The following FUBP3 variants were observed in gnomAD, a reference collection of about 807,000 sequenced individuals.
The protein encoded by FUBP3 is far upstream element binding protein 3.
A neutral mutation model predicts 85.6 loss-of-function variants in FUBP3; 28 were observed. The observed-to-expected ratio is 0.33, with a 90% confidence interval of 0.24 to 0.45. The LOEUF is 0.45. Among genes scored for constraint, FUBP3 ranks in the 20% least tolerant of loss-of-function variants. The probability of loss-of-function intolerance (pLI) is 1.00; values close to 1 mark genes in which losing one functional copy is unlikely to be tolerated. For missense variants in FUBP3, 583 were observed against 755.1 expected (o/e 0.77, Z 2.67); for synonymous variants, 271 against 271.4 (o/e 1.00, Z 0.01).
rs1453240338 is a variant in FUBP3 at position 130,638,156 on chromosome 9, T to C, written c.*1134T>C. On this transcript the variant is annotated 3_prime_UTR_variant, in exon 19 of 19. Transcript: ENST00000319725. The stretch of plus-strand genomic sequence containing the variant: ...GACCTGAGGGACATTCCGTTTGAAA[T>C]GTACTGAAGTTACAGTTTCTGGTTT... 2 of 152,610 alleles carry C rather than the reference T, an allele frequency of 1.3e-5. No individual in the cohort carries two copies. Among genetic ancestry groups the C allele is most frequent in the East Asian group, 3.8e-4 (2 of 5,204 alleles). 9.5% of individuals were successfully genotyped at this position (152,610 alleles called of 1,614,324 possible).
In FUBP3 at chr9:130,631,015, C is replaced by T. The variant is rs184207179; in HGVS notation, c.1278+227C>T. The T allele has an allele frequency of 3.1e-4, 200 of 638,958 alleles. 1 individual carries two copies. The highest frequency in any genetic ancestry group is 1.1e-4 in the Non-Finnish European group (51 of 448,262). The allele number at this position is 638,958 out of a possible 1,614,324, so 39.6% of individuals were successfully genotyped here. On this transcript the variant is annotated intron_variant, in intron 13 of 18. Transcript: ENST00000319725. ...GAAGCCTGGCAGGACTCACCAAGGCCGCAGCAGCCGAGGCCCCAGAGCCGT... is the reference window on the plus strand; with the variant it reads ...GAAGCCTGGCAGGACTCACCAAGGCTGCAGCAGCCGAGGCCCCAGAGCCGT...
intron 18 of FUBP3, chr9:130,636,350 C>A: frequency 3.1e-6 from 2 of 645,482 alleles, no homozygotes; most frequent in East Asian, 2.8e-5. Flanking sequence ...GGATTGGGGG[C>A]GCAGCCCCTA....
chr9:130,624,540 G>A (rs138466015), intron 11 of FUBP3, among the ~76,000 whole-genome samples: 115 of 152,106 alleles, frequency 7.6e-4, no homozygotes, highest in African/African-American at 2.7e-3. Context: ...TGGGCTGCAC[G>A]CAGCCCAGGA....
chr9:130,622,650 C>A, intron 9 of FUBP3, 58 bp from the exon 10 acceptor site: 1 of 799,096 alleles, frequency 1.3e-6, no homozygotes, highest in South Asian at 1.8e-5. Flanking sequence ...AAAAAAGTGC[C>A]CTTTAAAAAG....
intron 1 of FUBP3, chr9:130,581,675 G>A (rs1191730742): frequency 1.3e-5 from 2 of 152,178 alleles, no homozygotes; most frequent in Non-Finnish European, 2.9e-5. Flanking sequence ...TACACAGCAT[G>A]TTACAGAGAT....
chr9:130,613,714 T>G (rs540350931), intron 5 of FUBP3, among the ~76,000 whole-genome samples: 1 of 152,176 alleles, frequency 6.6e-6, no homozygotes, highest in East Asian at 1.9e-4. Context: ...TTCTCTTTCA[T>G]TTTTTTTGAG....
At chr9:130,588,991 G>C (rs1247422293) in intron 1 of FUBP3, among the ~76,000 whole-genome samples, 1 of 152,150 alleles carries the variant, frequency 6.6e-6, no homozygotes, top group Non-Finnish European at 1.5e-5. Context: ...CTCGATGCTG[G>C]TGTGAGCCTT....
At chr9:130,636,341 G>T (rs1373456409) in intron 18 of FUBP3, 2 of 659,514 alleles carry the variant, frequency 3.0e-6, no homozygotes, top group Non-Finnish European at 5.4e-6. Context: ...CAAGTGGGAG[G>T]ATTGGGGGCG....
intron 1 of FUBP3, among the ~76,000 whole-genome samples, chr9:130,593,716 C>G (rs1423306540): frequency 6.6e-6 from 1 of 152,232 alleles, no homozygotes; most frequent in African/African-American, 2.4e-5. Flanking sequence ...CCACTGAAGA[C>G]TTTGCTCTGG....
intron 6 of FUBP3, among the ~76,000 whole-genome samples, chr9:130,614,752 A>G (rs1831916289): frequency 6.6e-6 from 1 of 152,092 alleles, no homozygotes; most frequent in Non-Finnish European, 1.5e-5. Flanking sequence ...TGATCCCGTT[A>G]CCCTTCTGAT....
Position 130,635,436 on chromosome 9 carries a change from G to A in FUBP3, c.1583-563G>A, listed in dbSNP as rs1178356264. Among the ~76,000 whole-genome samples the A allele has an allele frequency of 6.6e-6, 1 of 152,146 alleles. No individual in the cohort carries two copies. The highest frequency in any genetic ancestry group is 2.4e-5 in the African/African-American group (1 of 41,436). Reference sequence around the variant, plus strand: ...TGTTTCTTGCTGGTTGGAAGAGATCGGGTTGAAGGCTACCAGAGAAGTGGT... The same window carrying A: ...TGTTTCTTGCTGGTTGGAAGAGATCAGGTTGAAGGCTACCAGAGAAGTGGT... On this transcript the variant is annotated intron_variant, in intron 17 of 18. Coordinates refer to ENST00000319725, the MANE Select transcript of FUBP3 (RefSeq NM_003934.2). The surrounding 1 kb of genome is among the most constrained non-coding windows in gnomAD (Gnocchi z 4.3).
intron 2 of FUBP3, among the ~76,000 whole-genome samples, chr9:130,605,166 T>C (rs1182491015): frequency 1.3e-5 from 2 of 152,198 alleles, no homozygotes; most frequent in African/African-American, 4.8e-5. Flanking sequence ...TAGAATTCTT[T>C]TTCCTCTTAG....
chr9:130,629,898 T>C (rs1830142276), intron 12 of FUBP3, among the ~76,000 whole-genome samples: 2 of 152,202 alleles, frequency 1.3e-5, no homozygotes, highest in Admixed American at 1.3e-4. Flanking sequence ...AGAAGAAGAA[T>C]CCAACTATTG....
chr9:130,589,732 A>ATTTTTTTTT (rs1564191169), intron 1 of FUBP3, among the ~76,000 whole-genome samples: 1 of 93,892 alleles, frequency 1.1e-5, no homozygotes. Flanking sequence ...TTTTTTTAAG[A>ATTTTTTTTT]GACAGGGTCT....
Position 130,579,648 on chromosome 9 carries a change from TCGGCGGCGGCGG to T in FUBP3, c.-30_-19del, listed in dbSNP as rs573526178. 2.5e-6 allele frequency: 3 copies of T among 1,209,940 alleles called. No homozygotes were observed. The African/African-American group carries it at 4.7e-5, about 19-fold the overall frequency. The allele number at this position is 1,209,940 out of a possible 1,614,324, so 75.0% of individuals were successfully genotyped here. A position where few individuals can be genotyped will look rare whatever the true frequency, so the allele number is the denominator to read the frequency against. On this transcript the variant is annotated 5_prime_UTR_variant, in exon 1 of 19. Transcript: ENST00000319725. ...GAGCCGAGCGGCGGCGTCGGCGGCG[TCGGCGGCGGCGG>T]CGACGGCGGCGGGGGCGGTAATGGC...
intron 8 of FUBP3, among the ~76,000 whole-genome samples, chr9:130,620,000 A>G (rs1829674883): frequency 6.6e-6 from 1 of 152,208 alleles, no homozygotes; most frequent in Non-Finnish European, 1.5e-5. Flanking sequence ...TGGCATCAAG[A>G]AACACCTAGG....
chr9:130,609,152 T>G (rs557856713), intron 2 of FUBP3, among the ~76,000 whole-genome samples: 33 of 152,210 alleles, frequency 2.2e-4, no homozygotes, highest in Admixed American at 6.5e-4. Context: ...AGAGAAACAC[T>G]ACAGAATCAT....
chr9:130,586,017 G>A (rs1830322102), intron 1 of FUBP3, among the ~76,000 whole-genome samples: 1 of 152,264 alleles, frequency 6.6e-6, no homozygotes, highest in South Asian at 2.1e-4. Context: ...GGGTTTTCTT[G>A]AGACAAGGTC....
chr9:130,623,866 C>A (rs1829859813), intron 11 of FUBP3, among the ~76,000 whole-genome samples, 155 bp downstream of exon 11: 1 of 152,150 alleles, frequency 6.6e-6, no homozygotes, highest in Non-Finnish European at 1.5e-5. Flanking sequence ...CTCTTTCCTG[C>A]CTTCTTGGTA....
Sources: gnomAD v4.1 joint callset for allele counts (sites outside exome capture counted in the v4.1 genomes callset) on GRCh38, gnomAD v4.1.1 for gene constraint, Gnocchi (gnomAD v3.1) non-coding constraint, MANE v1.5 for transcripts, NCBI Gene and HGNC (gene_info 2026-07-23, HGNC 2026-07-21) for gene names.